Variants in FBXO3 observed in about 807,000 individuals in gnomAD.
FBXO3 encodes the protein F-box protein 3.
A neutral mutation model predicts 64.8 loss-of-function variants in FBXO3; 17 were observed. The observed-to-expected ratio is 0.26, with a 90% CI of 0.18 to 0.39. The LOEUF is 0.39. FBXO3 is among the 10% of genes least tolerant of loss of function. FBXO3 has a pLI of 1.00. For synonymous variants in FBXO3, 182 were observed against 201.6 expected (o/e 0.90, Z 0.82); for missense variants, 420 against 589.9 (o/e 0.71, Z 2.98).
chr11:33,762,490 A>AT (rs1374156719), intron 3 of FBXO3, among the ~76,000 whole-genome samples: 1 of 152,178 alleles, frequency 6.6e-6, no homozygotes, highest in Non-Finnish European at 1.5e-5. Flanking sequence ...TATTTAAAAG[A>AT]TTACTTTAAA....
intron 10 of FBXO3, chr11:33,746,795 A>C: frequency 7.1e-7 from 1 of 1,404,024 alleles, no homozygotes; most frequent in Non-Finnish European, 9.2e-7. Flanking sequence ...ATTAAATTGG[A>C]AGTTTGAGCA....
chr11:33,751,423 ATTATCAACCT>A, intron 7 of FBXO3, 90 bp downstream of exon 7: 1 of 757,968 alleles, frequency 1.3e-6, no homozygotes, highest in Non-Finnish European at 2.2e-6. Context: ...GAGAGGTTCT[ATTATCAACCT>A]TCTTGGGAAA....
chr11:33,764,116 A>G (rs964309017), intron 3 of FBXO3, among the ~76,000 whole-genome samples: 1 of 152,222 alleles, frequency 6.6e-6, no homozygotes, highest in Non-Finnish European at 1.5e-5. Flanking sequence ...AGAAATAGAA[A>G]TAACCCAAAT....
At chr11:33,760,517 C>T (rs1011249758) in intron 3 of FBXO3, among the ~76,000 whole-genome samples, 1 of 151,766 alleles carries the variant, frequency 6.6e-6, no homozygotes, top group Non-Finnish European at 1.5e-5. Context: ...GATGGTGTCG[C>T]ACCTGTAGTC....
At chr11:33,748,356 T>C (rs2133595574) in intron 9 of FBXO3, among the ~76,000 whole-genome samples, 1 of 152,332 alleles carries the variant, frequency 6.6e-6, no homozygotes, top group South Asian at 2.1e-4. Context: ...CTGAAGCATC[T>C]GAGGGCTCAG....
rs1390278237 is a variant in FBXO3, at chr11:33,742,072, C to T, written c.1252G>A (p.Asp418Asn). Reference protein sequence around the residue: ...VSIARLEMGPDEYEEMEEEEE... With the variant: ...VSIARLEMGPNEYEEMEEEEE... The stretch of plus-strand genomic sequence containing the variant: ...TCTTCTTCCATCTCTTCATATTCAT[C>T]AGGACCCATTTCCTTGAAAGAGAAA... Residue 418 changes from aspartate to asparagine, a missense_variant, in exon 11 of 11, where the codon GAT becomes AAT. Around this residue, in one of 3 missense-constraint regions of FBXO3, gnomAD observed 337 missense variants for 518.4 expected, o/e 0.65. Coordinates refer to ENST00000265651, the MANE Select transcript of FBXO3 (RefSeq NM_012175.4). 1 of 1,594,034 alleles carries T rather than the reference C, an allele frequency of 6.3e-7. No individual in the cohort carries two copies. The highest frequency in any genetic ancestry group is 1.7e-5 in the Admixed American group (1 of 57,490).
intron 6 of FBXO3, among the ~76,000 whole-genome samples, chr11:33,752,418 TC>T (rs1434675386): frequency 1.3e-5 from 2 of 152,216 alleles, no homozygotes; most frequent in African/African-American, 4.8e-5. Context: ...ACAATGAATT[TC>T]TTTGTAATCT....
intron 4 of FBXO3, among the ~76,000 whole-genome samples, chr11:33,757,608 C>T (rs1262768842): frequency 7.8e-6 from 1 of 127,404 alleles, no homozygotes; most frequent in Non-Finnish European, 1.6e-5. Flanking sequence ...TGCTTGAGCC[C>T]AGGAGTTAAA....
Position 33,748,874 on chromosome 11 carries a change from A to T in FBXO3, c.951T>A (p.Asp317Glu). The T allele has an allele frequency of 1.9e-6, 3 of 1,613,004 alleles. No individual in the cohort carries two copies. Among genetic ancestry groups the T allele is most frequent in the Non-Finnish European group, 2.5e-6 (3 of 1,179,098 alleles). The change falls in exon 9 of 11, where the codon GAT (aspartate) becomes GAA (glutamate). Residue 317 changes from aspartate to glutamate, a missense_variant. This residue lies in a region of FBXO3 where 337 missense variants were observed against 518.4 expected (regional missense o/e 0.65). Transcript: ENST00000265651. ...TYRIRIEMSK[D>E]ALPEKACQLD... is the part of the protein sequence containing the mutation. The stretch of plus-strand genomic sequence containing the variant: ...ACTGACAGGCCTTCTCAGGAAGTGC[A>T]TCTTTTGACATTTCAATCCTAGAGA...
chr11:33,749,004 G>T lies in FBXO3; in HGVS notation c.933-112C>A, dbSNP rs143609099. The T allele has an allele frequency of 5.0e-3, 2,630 of 523,544 alleles. 13 individuals are homozygous for T. Among genetic ancestry groups the T allele is most frequent in the Non-Finnish European group, 7.3e-3 (2,183 of 301,080 alleles). 32.4% of individuals were successfully genotyped at this position (523,544 alleles called of 1,614,324 possible). ...TGAAGAAAAATTTCCAAAAAATTAA[G>T]AAACCCAACCCAAAGTCCATGTTAG... is the stretch of plus-strand genomic sequence containing the variant. On this transcript the variant is annotated intron_variant, in intron 8 of 10. Transcript: ENST00000265651.
At chr11:33,768,796 C>T (rs754960224) in intron 3 of FBXO3, 55 bp downstream of exon 3, 9 of 1,594,624 alleles carry the variant, frequency 5.6e-6, no homozygotes, top group Admixed American at 1.7e-5. Context: ...TTTAAACTAA[C>T]CTATTTATAC....
At chr11:33,746,160 A>G (rs1424223773) in intron 10 of FBXO3, 2 of 152,814 alleles carry the variant, frequency 1.3e-5, no homozygotes, top group Non-Finnish European at 2.9e-5. Flanking sequence ...AACTTCAGTG[A>G]TGAATCATAT....
At chr11:33,759,855 A>T (rs977526867) in intron 3 of FBXO3, among the ~76,000 whole-genome samples, 6 of 152,238 alleles carry the variant, frequency 3.9e-5, no homozygotes, top group African/African-American at 1.4e-4. Context: ...TAGAAACTAT[A>T]AAAATGAATC....
intron 3 of FBXO3, among the ~76,000 whole-genome samples, chr11:33,763,620 T>C (rs1855292815): frequency 1.6e-5 from 1 of 62,660 alleles, no homozygotes; most frequent in African/African-American, 6.5e-5. Flanking sequence ...TGATAAAGAA[T>C]ATCTACAAAA....
At chr11:33,766,803 C>T (rs928059091) in intron 3 of FBXO3, among the ~76,000 whole-genome samples, 15 of 152,210 alleles carry the variant, frequency 9.9e-5, no homozygotes, top group Admixed American at 9.2e-4. Flanking sequence ...AATTCGTAAG[C>T]CTAGGGTTCC....
intron 1 of FBXO3, 185 bp downstream of exon 1, chr11:33,774,209 C>G: frequency 1.7e-6 from 1 of 575,926 alleles, no homozygotes; most frequent in East Asian, 3.3e-5. Context: ...AGACTCAGGG[C>G]GAGGCCCTTT....
At chr11:33,764,976 A>C (rs1294603662) in intron 3 of FBXO3, among the ~76,000 whole-genome samples, 1 of 152,130 alleles carries the variant, frequency 6.6e-6, no homozygotes, top group Non-Finnish European at 1.5e-5. Context: ...CAAAAGCAAA[A>C]ACAAACAAAC....
chr11:33,755,965 T>C lies in FBXO3; in HGVS notation c.484A>G (p.Ser162Gly). Residue 162 changes from serine to glycine, a missense_variant, in exon 5 of 11, where the codon AGC becomes GGC. Ser to Gly is a moderately conservative substitution (Grantham distance 56). This residue lies in a region of FBXO3 where 337 missense variants were observed against 518.4 expected (regional missense o/e 0.65). Coordinates refer to ENST00000265651, the MANE Select transcript of FBXO3 (RefSeq NM_012175.4). Reference protein sequence around the residue: ...QKLVVPGLLGSMALSNHYRSE... With the variant: ...QKLVVPGLLGGMALSNHYRSE... ...CGATAGTGATTAGACAGTGCCATGCTTCCCAATAACCTGAGGAGCATACAG... is the reference window on the plus strand; with the variant it reads ...CGATAGTGATTAGACAGTGCCATGCCTCCCAATAACCTGAGGAGCATACAG... 1 of 1,614,018 alleles carries C rather than the reference T, an allele frequency of 6.2e-7. No homozygotes were observed. The highest frequency in any genetic ancestry group is 2.2e-5 in the East Asian group (1 of 44,876).
intron 10 of FBXO3, chr11:33,742,647 T>C (rs1466958682): frequency 1.3e-5 from 2 of 152,252 alleles, no homozygotes; most frequent in African/African-American, 4.8e-5. Context: ...GAAAAGAGGA[T>C]ATGAAAATAT....
Sources: allele counts gnomAD v4.1 joint callset (sites outside exome capture counted in the v4.1 genomes callset), GRCh38; gene constraint gnomAD v4.1.1; regional missense constraint gnomAD v4.1.1; transcripts MANE v1.5; gene names NCBI Gene and HGNC (gene_info 2026-07-23, HGNC 2026-07-21).